PSIP1: variants seen among roughly 807,000 people sequenced by gnomAD.
PSIP1 encodes PC4 and SRSF1 interacting protein 1.
In PSIP1, 19 loss-of-function variants were observed where a neutral mutation model predicts 74.7. The observed-to-expected ratio is 0.25, with a 90% CI of 0.18 to 0.37. The LOEUF is 0.37. Among genes scored for constraint, PSIP1 ranks in the 10% least tolerant of loss-of-function variants. The pLI is 1.00. For synonymous variants in PSIP1, 222 were observed against 195.3 expected, an observed-to-expected ratio of 1.14 and a Z score of -1.14; for missense variants, 601 against 614.3, an observed-to-expected ratio of 0.98 and a Z score of 0.23.
chr9:15,464,787 A>C lies in PSIP1; in HGVS notation c.*733T>G, dbSNP rs2035498432. 1 of 206,344 alleles carries C rather than the reference A, an allele frequency of 4.8e-6. No individual in the cohort carries two copies. The highest frequency in any genetic ancestry group is 9.9e-6 in the Non-Finnish European group (1 of 100,958). 12.8% of individuals were successfully genotyped at this position (206,344 alleles called of 1,614,324 possible). Reference sequence around the variant, plus strand: ...ACCCTAAAGCCAGATTCATTCCTATATATACCCAGTCAGTTGTCTGCAAAG... The same window carrying C: ...ACCCTAAAGCCAGATTCATTCCTATCTATACCCAGTCAGTTGTCTGCAAAG... On this transcript the variant is annotated 3_prime_UTR_variant, in exon 16 of 16. Transcript: ENST00000380733.
At chr9:15,496,596 G>T (rs1478509190) in intron 3 of PSIP1, among the ~76,000 whole-genome samples, 1 of 151,976 alleles carries the variant, frequency 6.6e-6, no homozygotes, top group Non-Finnish European at 1.5e-5. Flanking sequence ...TTGCTAAGTA[G>T]GTTTTTAAAA....
At chr9:15,469,110 C>A (rs757447897) in intron 12 of PSIP1, 52 bp from the exon 13 acceptor site, 8 of 1,518,728 alleles carry the variant, frequency 5.3e-6, no homozygotes, top group Non-Finnish European at 7.2e-6. Context: ...AACACTTAAA[C>A]AATCTGTTTC....
chr9:15,467,452 T>C (rs992012572), intron 14 of PSIP1, among the ~76,000 whole-genome samples: 1 of 152,184 alleles, frequency 6.6e-6, no homozygotes, highest in African/African-American at 2.4e-5. Flanking sequence ...CACTAAGATG[T>C]TTAATAACAA....
intron 4 of PSIP1, chr9:15,489,233 T>C (rs1318884384): frequency 6.6e-6 from 1 of 152,172 alleles, no homozygotes; most frequent in Non-Finnish European, 1.5e-5. Flanking sequence ...CCAATAAATA[T>C]AATTTGCATA....
In PSIP1 at chr9:15,464,426, A is replaced by G. The variant is rs1180529759; in HGVS notation, c.*1094T>C. On this transcript the variant is annotated 3_prime_UTR_variant, in exon 16 of 16. Coordinates refer to ENST00000380733, the MANE Select transcript of PSIP1 (RefSeq NM_033222.5). ...AAATATCTTAGAAATGCTATCCTTT[A>G]GTTAACATACCCTTAAATTTTGTAA... 2 of 198,420 alleles carry G rather than the reference A, an allele frequency of 1.0e-5. No homozygotes were observed. The highest frequency in any genetic ancestry group is 2.1e-5 in the Non-Finnish European group (2 of 96,082). The allele number at this position is 198,420 out of a possible 1,614,324, so 12.3% of individuals were successfully genotyped here.
At chr9:15,493,192 A>T (rs1350456910) in intron 3 of PSIP1, among the ~76,000 whole-genome samples, 5 of 152,198 alleles carry the variant, frequency 3.3e-5, no homozygotes, top group African/African-American at 1.2e-4. Flanking sequence ...TTCTTCTGCC[A>T]GATACCCTAA....
Position 15,474,227 on chromosome 9 carries a change from C to G in PSIP1, c.640G>C (p.Glu214Gln). Residue 214 changes from glutamate to glutamine, a missense_variant, in exon 9 of 16, where the codon GAG becomes CAG. Physicochemically the swap from Glu to Gln is conservative, Grantham distance 29 (BLOSUM62 2). This residue lies in a region of PSIP1 where 538 missense variants were observed against 507.6 expected (regional missense o/e 1.06). Coordinates refer to ENST00000380733, the MANE Select transcript of PSIP1 (RefSeq NM_033222.5). ...CPSESDIITE[E>Q]DKSKKKGQEE... ...TGCCCCTTTTTCTTACTTTTGTCCT[C>G]TTCAGTAATGCTATTTTAGAGAACA... 1 of 1,607,190 alleles carries G rather than the reference C, an allele frequency of 6.2e-7. No homozygotes were observed. The highest frequency in any genetic ancestry group is 8.5e-7 in the Non-Finnish European group (1 of 1,177,824).
At chr9:15,510,017 G>A (rs926434602) in intron 2 of PSIP1, 100 bp downstream of exon 2, 37 of 1,201,804 alleles carry the variant, frequency 3.1e-5, no homozygotes, top group Non-Finnish European at 4.2e-5. Flanking sequence ...CTAAAGCGAG[G>A]GAGAGAAAGG....
chr9:15,488,964 T>C (rs1038404151), intron 4 of PSIP1, among the ~76,000 whole-genome samples: 4 of 152,098 alleles, frequency 2.6e-5, no homozygotes, highest in Non-Finnish European at 5.9e-5. Flanking sequence ...GAGCTTACAG[T>C]GAGCCAAGAT....
chr9:15,476,981 G>A (rs1050350825), intron 8 of PSIP1, among the ~76,000 whole-genome samples: 2 of 152,064 alleles, frequency 1.3e-5, no homozygotes, highest in South Asian at 2.1e-4. Context: ...AAGTTCCAGA[G>A]GAATCAGCCA....
Position 15,510,333 on chromosome 9 carries a change from G to C in PSIP1, c.-141-4C>G, listed in dbSNP as rs2037803295. The C allele has an allele frequency of 2.0e-6, 1 of 509,892 alleles. No individual in the cohort carries two copies. The highest frequency in any genetic ancestry group is 3.3e-6 in the Non-Finnish European group (1 of 306,514). The allele number at this position is 509,892 out of a possible 1,614,324, so 31.6% of individuals were successfully genotyped here. A position where few individuals can be genotyped will look rare whatever the true frequency, so the allele number is the denominator to read the frequency against. On this transcript the variant is annotated splice_region_variant and splice_polypyrimidine_tract_variant and intron_variant, in intron 1 of 15. Coordinates refer to ENST00000380733, the MANE Select transcript of PSIP1 (RefSeq NM_033222.5). ...TCGGGGCGTCCCGACGCGCCTGCTA[G>C]GGAGAGCACCGAGGGCGGTTAAAGC...
chr9:15,472,858 G>A (rs2035900716), intron 9 of PSIP1, 108 bp from the exon 10 acceptor site: 2 of 1,035,176 alleles, frequency 1.9e-6, no homozygotes, highest in African/African-American at 1.7e-5. Flanking sequence ...AAAAAGGGAT[G>A]AATACTCAAA....
At chr9:15,473,531 G>A (rs1306147408) in intron 9 of PSIP1, among the ~76,000 whole-genome samples, 1 of 152,076 alleles carries the variant, frequency 6.6e-6, no homozygotes, top group African/African-American at 2.4e-5. Context: ...TATTCAAAAA[G>A]GTAAACAAAT....
chr9:15,483,146 T>C (rs1360787145), intron 6 of PSIP1, among the ~76,000 whole-genome samples: 2 of 152,182 alleles, frequency 1.3e-5, no homozygotes, highest in Non-Finnish European at 2.9e-5. Flanking sequence ...TATTACCCTA[T>C]CTTCATGCCA....
Position 15,486,918 on chromosome 9 carries a change from T to A in PSIP1, c.302A>T (p.Gln101Leu). ...TTCAACATCAGATGATGCATTTGAT[T>A]GTTTAGTTGCTGCCTGTGAGCAATC... Reference protein sequence around the residue: ...KFSSQQAATKQSNASSDVEVE... With the variant: ...KFSSQQAATKLSNASSDVEVE... Residue 101 changes from glutamine (Q) to leucine (L), a missense_variant, in exon 5 of 16, where the codon CAA (glutamine) becomes CTA (leucine). By Grantham distance (113) the Gln-to-Leu change is moderately radical. Transcript: ENST00000380733. The A allele has an allele frequency of 6.2e-7, 1 of 1,608,216 alleles. No individual in the cohort carries two copies. Among genetic ancestry groups the A allele is most frequent in the Non-Finnish European group, 8.5e-7 (1 of 1,176,216 alleles).
At chr9:15,474,486 T>G (rs2035990306) in intron 8 of PSIP1, among the ~76,000 whole-genome samples, 1 of 152,198 alleles carries the variant, frequency 6.6e-6, no homozygotes. Flanking sequence ...AAATTATGTT[T>G]AAAAAGTAGA....
intron 10 of PSIP1, chr9:15,471,787 C>T (rs1200984805): frequency 1.1e-6 from 1 of 945,530 alleles, no homozygotes; most frequent in Non-Finnish European, 1.3e-6. Flanking sequence ...CAAAATTGTT[C>T]AAGAATTGTT....
In PSIP1 at chr9:15,497,343, A is replaced by C. The variant is rs148225730; in HGVS notation, c.150-7219T>G. On this transcript the variant is annotated intron_variant, in intron 3 of 15. Transcript: ENST00000380733. ...ATGATTCCTTTTTTTTTTTTTTTTG[A>C]GACAGAGTCTTGCTCTGTCACTCAG... Among the ~76,000 whole-genome samples, 521 of 89,066 alleles carry C rather than the reference A, an allele frequency of 5.8e-3. 9 individuals carry two copies. The African/African-American group carries it at 0.069, about 12-fold the overall frequency. 58.4% of individuals were successfully genotyped at this position (89,066 alleles called of 152,430 possible).
At chr9:15,488,820 G>A (rs574120681) in intron 4 of PSIP1, among the ~76,000 whole-genome samples, 1 of 152,036 alleles carries the variant, frequency 6.6e-6, no homozygotes, top group African/African-American at 2.4e-5. Context: ...AGGAGATCGA[G>A]ACCATCCTGG....
Sources: allele counts gnomAD v4.1 joint callset (sites outside exome capture counted in the v4.1 genomes callset), GRCh38; gene constraint gnomAD v4.1.1; regional missense constraint gnomAD v4.1.1; transcripts MANE v1.5; gene names NCBI Gene and HGNC (gene_info 2026-07-23, HGNC 2026-07-21).